CCDC125: variants seen among roughly 807,000 people sequenced by gnomAD.
CCDC125 encodes coiled-coil domain containing 125, also known as coiled-coil domain-containing protein 125.
A neutral mutation model predicts 57.4 loss-of-function variants in CCDC125; 43 were observed. The observed-to-expected ratio is 0.75, with a 90% CI of 0.59 to 0.97. The LOEUF (loss-of-function observed/expected upper bound fraction) is 0.97. CCDC125 is among the 50% of genes least tolerant of loss of function. The pLI is 0.00. For missense variants in CCDC125, 563 were observed against 595.7 expected (o/e 0.95, Z 0.57); for synonymous variants, 187 against 195.2 (o/e 0.96, Z 0.35).
At chr5:69,288,696 C>A (rs1253276140) in intron 10 of CCDC125, among the ~76,000 whole-genome samples, 2 of 152,200 alleles carry the variant, frequency 1.3e-5, no homozygotes, top group Non-Finnish European at 1.5e-5. Context: ...AATGTACATA[C>A]AGCCAGTCAG....
At chr5:69,293,766 G>A (rs1722651681) in intron 9 of CCDC125, among the ~76,000 whole-genome samples, 1 of 152,044 alleles carries the variant, frequency 6.6e-6, no homozygotes, top group African/African-American at 2.4e-5. Context: ...AGGTAAATGT[G>A]TGCCATGGTG....
Position 69,285,001 on chromosome 5 carries a change from G to A in CCDC125, c.1230+336C>T, listed in dbSNP as rs373357633. ...AGTCCCAGCTACTCTAGAGGCTGAGGCAGGAGAATTGCTTGAACCCGGGAG... is the reference window on the plus strand; with the variant it reads ...AGTCCCAGCTACTCTAGAGGCTGAGACAGGAGAATTGCTTGAACCCGGGAG... On this transcript the variant is annotated intron_variant, in intron 11 of 11. Transcript: ENST00000396496. 2.2e-3 allele frequency among the ~76,000 whole-genome samples: 336 copies of A among 152,222 alleles called. 15 individuals are homozygous for A. The South Asian group carries it at 0.065, about 30-fold the overall frequency.
At chr5:69,325,350 A>G (rs1181614681) in intron 1 of CCDC125, among the ~76,000 whole-genome samples, 1 of 150,308 alleles carries the variant, frequency 6.7e-6, no homozygotes, top group Non-Finnish European at 1.5e-5. Context: ...AAAAGATGTA[A>G]TAATACCTAG....
intron 11 of CCDC125, 62 bp downstream of exon 11, chr5:69,285,275 G>A (rs1020977106): frequency 1.2e-5 from 19 of 1,577,068 alleles, no homozygotes; most frequent in East Asian, 4.5e-5. Flanking sequence ...TGCTCCCCAC[G>A]GACCGTGGGT....
rs139810828 is a variant in CCDC125, at chr5:69,311,145, C to G, written c.426G>C (p.Glu142Asp). ...EASQRQLRGK[E>D]EALKILQSMA... ...TGCTTTGAAGAATTTTCAATGCTTC[C>G]TCTTTACCTCTGAGTTGTCTTTGAG... Residue 142 changes from glutamate to aspartate, a missense_variant, in exon 4 of 12, where the codon GAG (glutamate) becomes GAC (aspartate). Coordinates refer to ENST00000396496, the MANE Select transcript of CCDC125 (RefSeq NM_176816.5). The G allele has an allele frequency of 2.7e-4, 428 of 1,610,740 alleles. No homozygotes were observed. Among genetic ancestry groups the G allele is most frequent in the Non-Finnish European group, 3.6e-4 (420 of 1,177,908 alleles).
chr5:69,320,089 C>T lies in CCDC125; in HGVS notation c.304+148G>A, dbSNP rs1257181035. On this transcript the variant is annotated intron_variant, in intron 2 of 11. Transcript: ENST00000396496. ...TGAGCCGAGATCGCGTGCCACTGCA[C>T]TCCAGCCTGGGTGACAGAGCAAGAC... The T allele has an allele frequency of 6.3e-6, 5 of 797,196 alleles. No homozygotes were observed. In the East Asian group the frequency reaches 1.3e-4, roughly 21 times the overall value. 49.4% of individuals were successfully genotyped at this position (797,196 alleles called of 1,614,324 possible).
intron 1 of CCDC125, among the ~76,000 whole-genome samples, chr5:69,321,673 G>A (rs913537615): frequency 6.6e-6 from 1 of 152,212 alleles, no homozygotes; most frequent in Non-Finnish European, 1.5e-5. Context: ...TGTCTATGTG[G>A]TCTGTCATTG....
At chr5:69,279,925 C>T (rs1446415793), downstream of CCDC125, among the ~76,000 whole-genome samples, 1 of 152,152 alleles carries the variant, frequency 6.6e-6, no homozygotes, top group Non-Finnish European at 1.5e-5. Context: ...AGGAAACTTA[C>T]AATCCTGGCA....
At chr5:69,279,460 T>G (rs1040578690), downstream of CCDC125, among the ~76,000 whole-genome samples, 1 of 152,202 alleles carries the variant, frequency 6.6e-6, no homozygotes, top group Non-Finnish European at 1.5e-5. Context: ...CCTCCCAAAG[T>G]GCTGGGATTA....
intron 2 of CCDC125, among the ~76,000 whole-genome samples, chr5:69,315,743 A>G (rs1474659605): frequency 7.1e-5 from 10 of 140,380 alleles, no homozygotes; most frequent in African/African-American, 2.6e-4. Flanking sequence ...CTGGGCAACA[A>G]GAGCAAAACT....
Position 69,320,427 on chromosome 5 carries a change from C to A in CCDC125, c.114G>T (p.Gly38=). Residue 38 remains glycine (G), a synonymous_variant, in exon 2 of 12, where the codon GGG becomes GGT. Transcript: ENST00000396496. The part of the protein sequence containing the change: ...LGYGLGRKPG[G]IYEIEFSHRS... ...TATGTGAAAATTCTATTTCATAAAT[C>A]CCACCAGGTTTCCTTCCGAGGCCAT... 6.2e-7 allele frequency: 1 copy of A among 1,613,988 alleles called. No individual in the cohort carries two copies. The highest frequency in any genetic ancestry group is 8.5e-7 in the Non-Finnish European group (1 of 1,179,934).
intron 8 of CCDC125, among the ~76,000 whole-genome samples, chr5:69,295,387 C>A (rs1755146463): frequency 6.6e-6 from 1 of 152,034 alleles, no homozygotes; most frequent in South Asian, 2.1e-4. Flanking sequence ...CCCTCCACTC[C>A]TAAAAAAAAT....
intron 7 of CCDC125, among the ~76,000 whole-genome samples, chr5:69,301,386 C>G (rs1756413270): frequency 6.6e-6 from 1 of 152,100 alleles, no homozygotes. Flanking sequence ...GTAATCCCAG[C>G]ACTTTTGGAG....
chr5:69,320,435 G>T lies in CCDC125; in HGVS notation c.106C>A (p.Pro36Thr), dbSNP rs761713650. 11 of 1,613,736 alleles carry T rather than the reference G, an allele frequency of 6.8e-6. No homozygotes were observed. Among genetic ancestry groups the T allele is most frequent in the East Asian group, 4.5e-5 (2 of 44,860 alleles). The stretch of plus-strand genomic sequence containing the variant: ...AATTCTATTTCATAAATCCCACCAG[G>T]TTTCCTTCCGAGGCCATACCCTAAA... ...GDLGYGLGRK[P>T]GGIYEIEFSH... The change falls in exon 2 of 12, where the codon CCT becomes ACT. Residue 36 changes from proline (P) to threonine (T), a missense_variant. By Grantham distance (38) the Pro-to-Thr change is conservative. Transcript: ENST00000396496.
Position 69,306,844 on chromosome 5 carries a change from T to C in CCDC125, c.590A>G (p.Glu197Gly). The change falls in exon 6 of 12, where the codon GAG becomes GGG. Residue 197 changes from glutamate to glycine, a missense_variant. By Grantham distance (98) the Glu-to-Gly change is moderately conservative. Transcript: ENST00000396496. The stretch of plus-strand genomic sequence containing the variant: ...GTCATATTTTTGGATCCAAGATTCC[T>C]CTATATTTTTAAATCTATTATGATC... The part of the protein sequence containing the change: ...EFDHNRFKNI[E>G]ESWIQKYDRL... The C allele has an allele frequency of 5.3e-6, 8 of 1,513,184 alleles. No individual in the cohort carries two copies. Among genetic ancestry groups the C allele is most frequent in the Non-Finnish European group, 7.0e-6 (8 of 1,134,908 alleles). 93.7% of individuals were successfully genotyped at this position (1,513,184 alleles called of 1,614,324 possible). A position where few individuals can be genotyped will look rare whatever the true frequency, so the allele number is the denominator to read the frequency against.
At chr5:69,295,944 C>T (rs373666633) in intron 8 of CCDC125, among the ~76,000 whole-genome samples, 2 of 149,236 alleles carry the variant, frequency 1.3e-5, no homozygotes, top group African/African-American at 4.9e-5. Context: ...AGTGCAGTGG[C>T]GCGATCTCGG....
intron 1 of CCDC125, among the ~76,000 whole-genome samples, chr5:69,331,378 G>A (rs1394766807): frequency 6.0e-5 from 9 of 151,186 alleles, no homozygotes; most frequent in African/African-American, 1.2e-4. Context: ...GATTACAGGC[G>A]CCCACCACCA....
chr5:69,289,172 C>T (rs759179935), intron 10 of CCDC125, among the ~76,000 whole-genome samples: 4 of 152,204 alleles, frequency 2.6e-5, no homozygotes, highest in Non-Finnish European at 5.9e-5. Context: ...CTTTCCCCTT[C>T]GTCTCTTCTT....
chr5:69,318,588 CAA>C (rs111666293), intron 2 of CCDC125, among the ~76,000 whole-genome samples: 6 of 130,144 alleles, frequency 4.6e-5, no homozygotes, highest in Non-Finnish European at 4.9e-5. Flanking sequence ...ACTAAAAATA[CAA>C]AAAAAAAAAA....
Sources: allele counts gnomAD v4.1 joint callset (sites outside exome capture counted in the v4.1 genomes callset), GRCh38; gene constraint gnomAD v4.1.1; transcripts MANE v1.5; gene names NCBI Gene and HGNC (gene_info 2026-07-23, HGNC 2026-07-21).